The following SPATS2 variants were observed in gnomAD, a reference collection of about 807,000 sequenced individuals.
SPATS2 encodes spermatogenesis associated serine rich 2.
Under a neutral mutation model 63.7 loss-of-function variants are expected in SPATS2, and 38 were observed. The ratio of observed to expected loss-of-function variants is 0.60; its 90% CI spans 0.46 to 0.78. The LOEUF (loss-of-function observed/expected upper bound fraction) is 0.78. Among genes scored for constraint, SPATS2 ranks in the 30% least tolerant of loss-of-function variants. The probability of loss-of-function intolerance (pLI) is 0.00; values close to 1 mark genes in which losing one functional copy is unlikely to be tolerated. For missense variants in SPATS2, 588 were observed against 666.2 expected, an observed-to-expected ratio of 0.88 and a Z score of 1.29; for synonymous variants, 207 against 232.9, an observed-to-expected ratio of 0.89 and a Z score of 1.01.
intron 10 of SPATS2, among the ~76,000 whole-genome samples, chr12:49,516,156 AAAAAAAAAAAATATATATAT>A (rs1946838503): frequency 4.8e-5 from 2 of 41,328 alleles, no homozygotes; most frequent in Non-Finnish European, 8.3e-5. Context: ...AAAAAAAAAA[AAAAAAAAAAAATATATATAT>A]ATATATATAT....
At chr12:49,437,025 T>C (rs1945319128) in intron 2 of SPATS2, among the ~76,000 whole-genome samples, 3 of 151,362 alleles carry the variant, frequency 2.0e-5, no homozygotes, top group African/African-American at 7.3e-5. Flanking sequence ...CCCACCTCCC[T>C]CCCAGACGGG....
intron 2 of SPATS2, among the ~76,000 whole-genome samples, chr12:49,455,347 G>A (rs892680819): frequency 2.0e-5 from 3 of 152,172 alleles, no homozygotes; most frequent in South Asian, 4.1e-4. Context: ...GAGGTGTGTG[G>A]ATAGTTTGGA....
intron 9 of SPATS2, among the ~76,000 whole-genome samples, chr12:49,513,255 A>G (rs190302245): frequency 6.6e-6 from 1 of 152,268 alleles, no homozygotes; most frequent in East Asian, 1.9e-4. Context: ...GATTACAACC[A>G]GAAACAAGAG....
intron 13 of SPATS2, among the ~76,000 whole-genome samples, chr12:49,525,656 A>G (rs1947019828): frequency 6.6e-6 from 1 of 152,218 alleles, no homozygotes; most frequent in Non-Finnish European, 1.5e-5. Context: ...GAGGGCTTGT[A>G]ACAACCCAGA....
intron 9 of SPATS2, among the ~76,000 whole-genome samples, chr12:49,508,353 G>A (rs1271841717): frequency 6.6e-6 from 1 of 152,002 alleles, no homozygotes; most frequent in East Asian, 1.9e-4. Context: ...GATTACAGGC[G>A]TGTGCCACTA....
intron 2 of SPATS2, among the ~76,000 whole-genome samples, chr12:49,431,677 G>T (rs1362082155): frequency 6.6e-6 from 1 of 152,164 alleles, no homozygotes; most frequent in African/African-American, 2.4e-5. Context: ...TGTTGCATTG[G>T]ATAACCTTGA....
Position 49,469,136 on chromosome 12 carries a change from G to A in SPATS2, c.25+8099G>A, listed in dbSNP as rs182441611. 1.8e-3 allele frequency among the ~76,000 whole-genome samples: 269 copies of A among 150,828 alleles called. 2 individuals are homozygous for A. The highest frequency in any genetic ancestry group is 2.6e-3 in the Non-Finnish European group (178 of 67,598). On this transcript the variant is annotated intron_variant, in intron 3 of 13. Coordinates refer to ENST00000552918, the MANE Select transcript of SPATS2 (RefSeq NM_023071.4). Reference sequence around the variant, plus strand: ...TTAATGGCCAGGCACAGTGGTTCACGCCTGCCATCCCAGCACTTTGGAAGG... The same window carrying A: ...TTAATGGCCAGGCACAGTGGTTCACACCTGCCATCCCAGCACTTTGGAAGG...
chr12:49,472,611 T>A (rs895448729), intron 3 of SPATS2, among the ~76,000 whole-genome samples: 1 of 145,122 alleles, frequency 6.9e-6, no homozygotes, highest in Non-Finnish European at 1.5e-5. Context: ...TTTATATATT[T>A]TATATATATA....
At chr12:49,422,209 A>G (rs1944995712) in intron 2 of SPATS2, among the ~76,000 whole-genome samples, 1 of 152,192 alleles carries the variant, frequency 6.6e-6, no homozygotes, top group African/African-American at 2.4e-5. Flanking sequence ...TCATGGAGCT[A>G]GGTTTGAATC....
chr12:49,418,519 C>G (rs954121978), intron 2 of SPATS2, among the ~76,000 whole-genome samples: 1 of 152,048 alleles, frequency 6.6e-6, no homozygotes, highest in African/African-American at 2.4e-5. Flanking sequence ...AGGCTGGTCT[C>G]AAACTCCTGA....
chr12:49,382,850 G>T (rs1944245830), intron 2 of SPATS2, among the ~76,000 whole-genome samples: 1 of 151,904 alleles, frequency 6.6e-6, no homozygotes, highest in African/African-American at 2.4e-5. Context: ...GATTACAGGT[G>T]CACGCCACCA....
Position 49,509,886 on chromosome 12 carries a change from A to G in SPATS2, c.840-4669A>G, listed in dbSNP as rs541795220. Among the ~76,000 whole-genome samples, 14 of 151,860 alleles carry G rather than the reference A, an allele frequency of 9.2e-5. No homozygotes were observed. In the South Asian group the frequency reaches 2.9e-3, roughly 32 times the overall value. On this transcript the variant is annotated intron_variant, in intron 9 of 13. Transcript: ENST00000552918. ...TGGTTATTTTATATGGAAAGAGGAA[A>G]CCGTCTTCAAAGAAAAAAAGGCGTC...
intron 2 of SPATS2, among the ~76,000 whole-genome samples, chr12:49,432,274 C>A (rs1056364752): frequency 3.3e-5 from 5 of 152,080 alleles, no homozygotes; most frequent in African/African-American, 1.2e-4. Context: ...GAGTTCGAGA[C>A]CAGCCTGGCC....
intron 3 of SPATS2, among the ~76,000 whole-genome samples, chr12:49,464,146 G>A (rs1945867816): frequency 6.6e-6 from 1 of 152,182 alleles, no homozygotes; most frequent in Admixed American, 6.5e-5. Flanking sequence ...ATTTGCCCAA[G>A]TGTATAATTT....
chr12:49,449,991 ATATATT>A (rs1945589650), intron 2 of SPATS2, among the ~76,000 whole-genome samples: 1 of 152,174 alleles, frequency 6.6e-6, no homozygotes, highest in African/African-American at 2.4e-5. Context: ...TTTGGTGGAT[ATATATT>A]TATAATTCTG....
intron 6 of SPATS2, among the ~76,000 whole-genome samples, chr12:49,491,806 A>G (rs2137886725): frequency 6.6e-6 from 1 of 152,332 alleles, no homozygotes; most frequent in Admixed American, 6.5e-5. Context: ...TTAAAATCAG[A>G]TGCTTTTCCC....
intron 8 of SPATS2, among the ~76,000 whole-genome samples, 199 bp downstream of exon 8, chr12:49,497,208 C>G (rs1408783501): frequency 6.6e-6 from 1 of 152,180 alleles, no homozygotes; most frequent in African/African-American, 2.4e-5. Context: ...AGTTTAAATG[C>G]TGTACAATCT....
chr12:49,373,080 C>G (rs1274292151), intron 2 of SPATS2, among the ~76,000 whole-genome samples: 1 of 151,976 alleles, frequency 6.6e-6, no homozygotes, highest in Non-Finnish European at 1.5e-5. Context: ...TCAAGCGATT[C>G]TCCTTCGTCA....
chr12:49,502,257 C>T (rs1268875860), intron 9 of SPATS2, among the ~76,000 whole-genome samples: 1 of 151,832 alleles, frequency 6.6e-6, no homozygotes, highest in African/African-American at 2.4e-5. Context: ...TGTAGGTCCC[C>T]TCAGTCCTCC....
Sources: allele counts gnomAD v4.1 joint callset (sites outside exome capture counted in the v4.1 genomes callset), GRCh38; gene constraint gnomAD v4.1.1; transcripts MANE v1.5; gene names NCBI Gene and HGNC (gene_info 2026-07-23, HGNC 2026-07-21).